ESR1: variants seen among roughly 807,000 people sequenced by gnomAD.
The protein encoded by ESR1 is estrogen receptor.
ESR1 carries 12 observed loss-of-function variants against 52.7 expected under a neutral mutation model. The observed-to-expected ratio is 0.23, with a 90% CI of 0.15 to 0.37. The LOEUF (loss-of-function observed/expected upper bound fraction) is 0.37. Among genes scored for constraint, ESR1 ranks in the 10% least tolerant of loss-of-function variants. ESR1 has a pLI of 1.00. For missense variants in ESR1, 584 were observed against 779.7 expected (o/e 0.75, Z 2.99); for synonymous variants, 305 against 316.8 (o/e 0.96, Z 0.39).
At chr6:151,726,799 A>G (rs182852368) in intron 2 of ESR1, among the ~76,000 whole-genome samples, 2 of 152,314 alleles carry the variant, frequency 1.3e-5, no homozygotes, top group Admixed American at 1.3e-4. Flanking sequence ...ACAACATGCC[A>G]TATATGAGTA....
intron 5 of ESR1, among the ~76,000 whole-genome samples, chr6:152,058,992 A>G (rs1214196678): frequency 6.6e-6 from 1 of 152,008 alleles, no homozygotes; most frequent in Non-Finnish European, 1.5e-5. Flanking sequence ...AGTAATCAAC[A>G]TTTTTAAGTC....
At chr6:151,780,303 C>A (rs1489147391) in intron 2 of ESR1, among the ~76,000 whole-genome samples, 1 of 151,966 alleles carries the variant, frequency 6.6e-6, no homozygotes, top group African/African-American at 2.4e-5. Flanking sequence ...CACATGTATA[C>A]CTATGTAACG....
At chr6:152,050,067 A>G (rs1415527203) in intron 5 of ESR1, among the ~76,000 whole-genome samples, 3 of 152,232 alleles carry the variant, frequency 2.0e-5, no homozygotes, top group Non-Finnish European at 4.4e-5. Context: ...GCTTCCTTTC[A>G]TAGATTCCTT....
rs1486004109 is a variant in ESR1 at position 151,944,577 on chromosome 6, A to T, written c.1096+69A>T. The T allele has an allele frequency of 1.2e-5, 17 of 1,387,830 alleles. No homozygotes were observed. The East Asian group carries it at 3.7e-4, about 30-fold the overall frequency. 86.0% of individuals were successfully genotyped at this position (1,387,830 alleles called of 1,614,324 possible). A position where few individuals can be genotyped will look rare whatever the true frequency, so the allele number is the denominator to read the frequency against. ...AGAACTTGTTGTGATGTCATGGGAGAAATAGTGGGGGAAAAAGAAGCAATA... is the reference window on the plus strand; with the variant it reads ...AGAACTTGTTGTGATGTCATGGGAGTAATAGTGGGGGAAAAAGAAGCAATA... On this transcript the variant is annotated intron_variant, in intron 4 of 7. Coordinates refer to ENST00000206249, the MANE Select transcript of ESR1 (RefSeq NM_000125.4).
chr6:152,124,640 A>C (rs1159032274), intron 6 of ESR1, among the ~76,000 whole-genome samples: 7 of 152,214 alleles, frequency 4.6e-5, no homozygotes, highest in Non-Finnish European at 2.9e-5. Context: ...TAGTGGTCAA[A>C]CTGATTAACT....
chr6:152,013,439 ATCTT>A (rs1307169549), intron 5 of ESR1, among the ~76,000 whole-genome samples: 1 of 152,056 alleles, frequency 6.6e-6, no homozygotes, highest in African/African-American at 2.4e-5. Flanking sequence ...ATCTGTATCT[ATCTT>A]CTTTTTTAAA....
chr6:151,791,000 T>C (rs1319619590), intron 2 of ESR1, among the ~76,000 whole-genome samples: 2 of 152,220 alleles, frequency 1.3e-5, no homozygotes, highest in Non-Finnish European at 2.9e-5. Context: ...ATAAATGCTA[T>C]AACTGATCAT....
intron 6 of ESR1, among the ~76,000 whole-genome samples, chr6:152,093,256 C>T (rs990351235): frequency 5.4e-5 from 8 of 147,918 alleles, no homozygotes; most frequent in Admixed American, 2.1e-4. Flanking sequence ...GCCTGGGCGG[C>T]AGAGTGAGAC....
At chr6:151,867,061 T>C (rs572075125) in intron 2 of ESR1, among the ~76,000 whole-genome samples, 11 of 152,280 alleles carry the variant, frequency 7.2e-5, no homozygotes, top group East Asian at 1.9e-4. Flanking sequence ...TGACTAGCCA[T>C]ATGCAGAAAA....
chr6:151,997,689 T>C (rs1053595305), intron 4 of ESR1, among the ~76,000 whole-genome samples: 3 of 152,168 alleles, frequency 2.0e-5, no homozygotes, highest in African/African-American at 7.2e-5. Context: ...GCCTCTTTCT[T>C]GACATTGACT....
At chr6:151,960,251 G>A (rs2037499343) in intron 4 of ESR1, among the ~76,000 whole-genome samples, 1 of 152,180 alleles carries the variant, frequency 6.6e-6, no homozygotes, top group South Asian at 2.1e-4. Context: ...ACCAAGCCCT[G>A]CCTCCCCGGT....
intron 4 of ESR1, among the ~76,000 whole-genome samples, chr6:151,956,392 A>C (rs1044392423): frequency 7.2e-5 from 11 of 152,250 alleles, no homozygotes; most frequent in Non-Finnish European, 1.6e-4. Flanking sequence ...GAATATGAAT[A>C]CTGTTATTAC....
chr6:151,700,957 G>A (rs1231953629), intron 1 of ESR1, among the ~76,000 whole-genome samples: 1 of 152,054 alleles, frequency 6.6e-6, no homozygotes, highest in East Asian at 1.9e-4. Flanking sequence ...CCCCAAGGGA[G>A]TCTATTGAAA....
intron 3 of ESR1, among the ~76,000 whole-genome samples, chr6:151,926,319 A>G (rs1382251604): frequency 6.6e-6 from 1 of 152,180 alleles, no homozygotes; most frequent in African/African-American, 2.4e-5. Context: ...ATTAAAGGCT[A>G]TTCTAGGTCT....
rs150346601 is a variant in ESR1 at position 151,695,802 on chromosome 6, G to T, written c.-202+5138G>T. Among the ~76,000 whole-genome samples the T allele has an allele frequency of 9.1e-4, 139 of 152,204 alleles. No homozygotes were observed. The East Asian group carries it at 0.02, about 21-fold the overall frequency. On this transcript the variant is annotated intron_variant, in intron 1 of 2. Transcript: ENST00000404742. Reference sequence around the variant, plus strand: ...ATTTATTTGCTTAAAACCATGTAAAGAAAGGTGCTTAATAAAGATAATTGC... The same window carrying T: ...ATTTATTTGCTTAAAACCATGTAAATAAAGGTGCTTAATAAAGATAATTGC...
chr6:152,064,479 T>C (rs1405789965), intron 6 of ESR1, among the ~76,000 whole-genome samples: 1 of 152,260 alleles, frequency 6.6e-6, no homozygotes, highest in African/African-American at 2.4e-5. Context: ...CTCTCTAGAC[T>C]ATTTCAATTC....
chr6:151,910,782 A>G (rs1798143154), intron 3 of ESR1, among the ~76,000 whole-genome samples: 1 of 152,200 alleles, frequency 6.6e-6, no homozygotes, highest in African/African-American at 2.4e-5. Context: ...TGAAAATTAT[A>G]TTTCAGTTTG....
chr6:151,694,984 C>T (rs113592763), intron 1 of ESR1, among the ~76,000 whole-genome samples: 1,986 of 152,144 alleles, frequency 0.013, 25 homozygotes, highest in Non-Finnish European at 0.02. Context: ...GGGGAGTCTC[C>T]GCCTCCCAGC....
intron 2 of ESR1, among the ~76,000 whole-genome samples, chr6:151,740,668 A>G (rs1273198762): frequency 2.0e-5 from 3 of 151,752 alleles, no homozygotes; most frequent in Non-Finnish European, 4.4e-5. Context: ...GGAGCAAAAT[A>G]TTTTCAGAAC....
Sources: allele counts gnomAD v4.1 joint callset (sites outside exome capture counted in the v4.1 genomes callset), GRCh38; gene constraint gnomAD v4.1.1; transcripts MANE v1.5; gene names NCBI Gene and HGNC (gene_info 2026-07-23, HGNC 2026-07-21).